The following ZNF385B variants were observed in gnomAD, a reference collection of about 807,000 sequenced individuals.
ZNF385B encodes zinc finger protein 533.
Under a neutral mutation model 39.2 loss-of-function variants are expected in ZNF385B, and 23 were observed. The observed-to-expected ratio is 0.59, with a 90% confidence interval of 0.42 to 0.83. ZNF385B has a LOEUF of 0.83. Ranked by LOEUF, ZNF385B falls within the 40% of genes least tolerant of loss-of-function variation. ZNF385B has a pLI of 0.00. For synonymous variants in ZNF385B, 205 were observed against 222.6 expected, an observed-to-expected ratio of 0.92 and a Z score of 0.70; for missense variants, 552 against 598.9, an observed-to-expected ratio of 0.92 and a Z score of 0.82.
chr2:179,530,340 T>TTTGTAG (rs2059180124), intron 4 of ZNF385B, among the ~76,000 whole-genome samples: 1 of 152,168 alleles, frequency 6.6e-6, no homozygotes, highest in Non-Finnish European at 1.5e-5. Context: ...TTGCTGATAC[T>TTTGTAG]TATAGATGTA....
At chr2:179,757,014 G>A (rs1222532609) in intron 3 of ZNF385B, among the ~76,000 whole-genome samples, 1 of 152,174 alleles carries the variant, frequency 6.6e-6, no homozygotes, top group Non-Finnish European at 1.5e-5. Context: ...AAGGAGCTGT[G>A]TTCCTTTGGA....
intron 3 of ZNF385B, among the ~76,000 whole-genome samples, chr2:179,744,923 T>C (rs1430327804): frequency 6.6e-6 from 1 of 151,970 alleles, no homozygotes; most frequent in Non-Finnish European, 1.5e-5. Context: ...ACTTTGTGTC[T>C]GCCCTTATCT....
intron 3 of ZNF385B, among the ~76,000 whole-genome samples, chr2:179,651,798 C>A (rs1559032429): frequency 1.3e-5 from 2 of 152,062 alleles, no homozygotes; most frequent in Non-Finnish European, 2.9e-5. Flanking sequence ...CTGGTGTTAA[C>A]AAAGTCAGAG....
At chr2:179,711,815 C>T (rs1188889906) in intron 3 of ZNF385B, among the ~76,000 whole-genome samples, 1 of 150,378 alleles carries the variant, frequency 6.6e-6, no homozygotes, top group Non-Finnish European at 1.5e-5. Context: ...GCTATATAAA[C>T]TGCATTTTTT....
intron 1 of ZNF385B, among the ~76,000 whole-genome samples, chr2:179,842,965 C>A (rs1319224158): frequency 6.6e-6 from 1 of 152,124 alleles, no homozygotes; most frequent in East Asian, 1.9e-4. Flanking sequence ...GATTCTTTGC[C>A]AAAGCTAGGG....
chr2:179,555,784 A>G (rs763462946), intron 3 of ZNF385B, among the ~76,000 whole-genome samples: 3 of 149,194 alleles, frequency 2.0e-5, no homozygotes, highest in African/African-American at 2.5e-5. Context: ...AGAAAAATGT[A>G]TATCTAGAAC....
chr2:179,845,060 G>C (rs1014543395), intron 1 of ZNF385B, among the ~76,000 whole-genome samples: 1 of 152,000 alleles, frequency 6.6e-6, no homozygotes, highest in Non-Finnish European at 1.5e-5. Flanking sequence ...CAAGACTGAT[G>C]CTCCAATACA....
At chr2:179,560,317 A>T (rs1163608095) in intron 3 of ZNF385B, among the ~76,000 whole-genome samples, 2 of 152,182 alleles carry the variant, frequency 1.3e-5, no homozygotes, top group African/African-American at 4.8e-5. Context: ...TTTCTTTTAA[A>T]ACATTTGTTT....
chr2:179,584,421 G>T (rs1395051170), intron 3 of ZNF385B, among the ~76,000 whole-genome samples: 1 of 152,148 alleles, frequency 6.6e-6, no homozygotes, highest in African/African-American at 2.4e-5. Context: ...CGAACAACAT[G>T]AGTCTAGGGG....
chr2:179,548,097 T>C (rs935947161), intron 3 of ZNF385B, among the ~76,000 whole-genome samples: 1 of 149,910 alleles, frequency 6.7e-6, no homozygotes, highest in Non-Finnish European at 1.5e-5. Flanking sequence ...TTACTAATTT[T>C]GTTTATCAGT....
intron 1 of ZNF385B, among the ~76,000 whole-genome samples, chr2:179,822,527 T>C (rs1035268855): frequency 3.9e-5 from 6 of 152,204 alleles, no homozygotes; most frequent in Non-Finnish European, 7.3e-5. Flanking sequence ...GATGGAGTCC[T>C]GCACTCACCG....
intron 1 of ZNF385B, among the ~76,000 whole-genome samples, chr2:179,799,243 T>C (rs1051805542): frequency 6.6e-6 from 1 of 152,068 alleles, no homozygotes; most frequent in Non-Finnish European, 1.5e-5. Flanking sequence ...TCCTGCTTCA[T>C]GGTGAAATAT....
intron 1 of ZNF385B, among the ~76,000 whole-genome samples, chr2:179,856,385 T>C (rs894645714): frequency 4.6e-5 from 7 of 152,050 alleles, no homozygotes; most frequent in African/African-American, 1.7e-4. Context: ...CATGGCATTT[T>C]AGTGCTTAAG....
intron 3 of ZNF385B, among the ~76,000 whole-genome samples, chr2:179,691,850 TA>T (rs559812223): frequency 0.01 from 1,529 of 152,032 alleles, 31 homozygotes; most frequent in African/African-American, 0.034. Context: ...TTTATTTTTT[TA>T]AAAAAATATT....
intron 6 of ZNF385B, among the ~76,000 whole-genome samples, chr2:179,457,666 C>A (rs1291084491): frequency 6.6e-6 from 1 of 151,716 alleles, no homozygotes; most frequent in Non-Finnish European, 1.5e-5. Flanking sequence ...TTTTTATTGG[C>A]CAATTGTATA....
chr2:179,491,947 T>C (rs2055278792), intron 5 of ZNF385B, among the ~76,000 whole-genome samples: 1 of 152,184 alleles, frequency 6.6e-6, no homozygotes, highest in African/African-American at 2.4e-5. Context: ...GTGATCCTAC[T>C]GCCTTGCCCT....
intron 1 of ZNF385B, among the ~76,000 whole-genome samples, chr2:179,838,277 T>C (rs1169152219): frequency 6.6e-6 from 1 of 152,208 alleles, no homozygotes; most frequent in South Asian, 2.1e-4. Context: ...GAAAAACATA[T>C]TCAAAAGATT....
chr2:179,564,467 C>A (rs971268238), intron 3 of ZNF385B, among the ~76,000 whole-genome samples: 1 of 152,156 alleles, frequency 6.6e-6, no homozygotes, highest in African/African-American at 2.4e-5. Context: ...AAGACCTTAC[C>A]CTATCAATCA....
intron 1 of ZNF385B, among the ~76,000 whole-genome samples, chr2:179,790,218 G>T (rs1014404381): frequency 2.0e-5 from 3 of 152,150 alleles, no homozygotes; most frequent in African/African-American, 7.2e-5. Context: ...ATTTGCTTTG[G>T]AAGATTTCTC....
Sources: gnomAD v4.1 joint callset for allele counts (sites outside exome capture counted in the v4.1 genomes callset) on GRCh38, gnomAD v4.1.1 for gene constraint, MANE v1.5 for transcripts, NCBI Gene and HGNC (gene_info 2026-07-23, HGNC 2026-07-21) for gene names.